GSG1L: variants seen among roughly 807,000 people sequenced by gnomAD.
GSG1L encodes the protein GSG1 like.
A neutral mutation model predicts 42.1 loss-of-function variants in GSG1L; 24 were observed. The ratio of observed to expected loss-of-function variants is 0.57; its 90% CI spans 0.41 to 0.80. The LOEUF is 0.80. GSG1L is among the 30% of genes least tolerant of loss of function. GSG1L has a pLI of 0.00. For missense variants in GSG1L, 445 were observed against 472.2 expected (o/e 0.94, Z 0.53); for synonymous variants, 215 against 203.5 (o/e 1.06, Z -0.48).
chr16:28,041,532 G>A (rs144770346), intron 1 of GSG1L, among the ~76,000 whole-genome samples: 248 of 152,250 alleles, frequency 1.6e-3, no homozygotes, highest in Non-Finnish European at 2.8e-3. Context: ...AGTAGTAGTC[G>A]TGGAATGAAT....
In GSG1L at chr16:27,905,480, G is replaced by A. The variant is rs556006024; in HGVS notation, c.398-20842C>T. 7.9e-5 allele frequency among the ~76,000 whole-genome samples: 12 copies of A among 152,012 alleles called. No homozygotes were observed. In the East Asian group the frequency reaches 2.3e-3, roughly 29 times the overall value. The stretch of plus-strand genomic sequence containing the variant: ...ACCACAGGCATGTGTCATGCTGCCT[G>A]GCTAATTTTATTTTTTTGTAGAGAC... On this transcript the variant is annotated intron_variant, in intron 2 of 6. Coordinates refer to ENST00000447459, the MANE Select transcript of GSG1L (RefSeq NM_001109763.2).
intron 5 of GSG1L, among the ~76,000 whole-genome samples, chr16:27,827,189 T>C (rs550768064): frequency 1.6e-4 from 25 of 152,206 alleles, no homozygotes; most frequent in African/African-American, 5.5e-4. Context: ...TTGTGCTCCA[T>C]AAATGGCAGT....
chr16:27,856,340 G>T (rs1004246498), intron 3 of GSG1L, among the ~76,000 whole-genome samples: 4 of 152,154 alleles, frequency 2.6e-5, no homozygotes, highest in Admixed American at 2.6e-4. Context: ...TTCAGGAAGG[G>T]TCTTGCTCTG....
chr16:27,963,605 C>G (rs2085095248), intron 1 of GSG1L, among the ~76,000 whole-genome samples: 1 of 152,178 alleles, frequency 6.6e-6, no homozygotes, highest in South Asian at 2.1e-4. Flanking sequence ...CGCACACACA[C>G]AGCTTGCTCC....
At chr16:27,799,608 A>G (rs759936637) in intron 6 of GSG1L, among the ~76,000 whole-genome samples, 1 of 152,160 alleles carries the variant, frequency 6.6e-6, no homozygotes, top group Non-Finnish European at 1.5e-5. Flanking sequence ...CTCAGAGAGG[A>G]ACAAGTGATG....
At chr16:27,843,139 G>A (rs2083405406) in intron 4 of GSG1L, among the ~76,000 whole-genome samples, 1 of 152,162 alleles carries the variant, frequency 6.6e-6, no homozygotes, top group African/African-American at 2.4e-5. Flanking sequence ...GTTAATATGT[G>A]TTAAATGACT....
chr16:27,897,968 A>G (rs1644592), intron 2 of GSG1L, among the ~76,000 whole-genome samples: 61,199 of 152,142 alleles, frequency 0.4, 13,608 homozygotes, highest in East Asian at 0.5. Context: ...TGGGCCCAGA[A>G]AAACAAGTCC....
At chr16:28,023,849 A>G (rs139333551) in intron 1 of GSG1L, among the ~76,000 whole-genome samples, 58 of 151,804 alleles carry the variant, frequency 3.8e-4, no homozygotes, top group African/African-American at 1.4e-3. Flanking sequence ...ACATGGCAAG[A>G]CCCCACCTCT....
At chr16:27,803,459 G>T (rs927438644) in intron 6 of GSG1L, among the ~76,000 whole-genome samples, 11 of 152,036 alleles carry the variant, frequency 7.2e-5, no homozygotes, top group Non-Finnish European at 1.5e-4. Context: ...GGTCGCCTTT[G>T]TCTCCCTTCT....
rs1036963848 is a variant in GSG1L at position 28,012,981 on chromosome 16, T to C, written c.350-49778A>G. The stretch of plus-strand genomic sequence containing the variant: ...GGCTCACACCTGTAATCCCATCACT[T>C]TGGGAGGCCGAGGCGGGTGGATCAC... On this transcript the variant is annotated intron_variant, in intron 1 of 6. Coordinates refer to ENST00000447459, the MANE Select transcript of GSG1L (RefSeq NM_001109763.2). Among the ~76,000 whole-genome samples the C allele has an allele frequency of 4.3e-5, 6 of 140,186 alleles. No individual in the cohort carries two copies. The South Asian group carries it at 8.3e-4, about 19-fold the overall frequency. The allele number at this position is 140,186 out of a possible 152,430, so 92.0% of individuals were successfully genotyped here.
rs552963402 is a variant in GSG1L at position 27,872,471 on chromosome 16, C to T, written c.550+12015G>A. Among the ~76,000 whole-genome samples the T allele has an allele frequency of 7.2e-4, 110 of 152,240 alleles. 1 individual carries two copies. Among genetic ancestry groups the T allele is most frequent in the Admixed American group, 3.5e-3 (53 of 15,294 alleles). ...ATAAGAGCACCTACCATTGTAGTGTCAGAGGCATTTGAACCAGAGTGACTC... is the reference window on the plus strand; with the variant it reads ...ATAAGAGCACCTACCATTGTAGTGTTAGAGGCATTTGAACCAGAGTGACTC... On this transcript the variant is annotated intron_variant, in intron 3 of 6. Coordinates refer to ENST00000447459, the MANE Select transcript of GSG1L (RefSeq NM_001109763.2).
chr16:27,932,001 C>T (rs2084661887), intron 2 of GSG1L, among the ~76,000 whole-genome samples: 2 of 152,206 alleles, frequency 1.3e-5, no homozygotes, highest in Admixed American at 1.3e-4. Flanking sequence ...TCTTGGGGAA[C>T]AGTCTTCCCC....
At chr16:27,897,446 G>C (rs1488266639) in intron 2 of GSG1L, among the ~76,000 whole-genome samples, 1 of 152,096 alleles carries the variant, frequency 6.6e-6, no homozygotes, top group East Asian at 1.9e-4. Context: ...CCACAGGCAC[G>C]TTCTATTGTG....
intron 1 of GSG1L, among the ~76,000 whole-genome samples, chr16:28,029,556 G>GATGGATGGATGC (rs2085934057): frequency 6.6e-6 from 1 of 151,778 alleles, no homozygotes; most frequent in Non-Finnish European, 1.5e-5. Context: ...TGGATGGATG[G>GATGGATGGATGC]ATGGATGCAT....
intron 2 of GSG1L, among the ~76,000 whole-genome samples, chr16:27,923,339 C>T (rs2084549056): frequency 2.0e-5 from 3 of 152,158 alleles, no homozygotes; most frequent in Admixed American, 6.5e-5. Context: ...ATCCTCACTC[C>T]CACAGCCCAA....
chr16:27,831,555 A>T (rs1288935581), intron 4 of GSG1L, among the ~76,000 whole-genome samples: 1 of 152,200 alleles, frequency 6.6e-6, no homozygotes, highest in African/African-American at 2.4e-5. Context: ...CTCAAACTAA[A>T]GGCCTGAGCA....
chr16:28,006,948 CA>C (rs935730369), intron 1 of GSG1L, among the ~76,000 whole-genome samples: 1 of 151,882 alleles, frequency 6.6e-6, no homozygotes, highest in Non-Finnish European at 1.5e-5. Context: ...TAAAAGCAGA[CA>C]AAAAAAGCCA....
chr16:27,825,963 C>T (rs138021543), intron 5 of GSG1L, among the ~76,000 whole-genome samples: 2 of 152,304 alleles, frequency 1.3e-5, no homozygotes, highest in East Asian at 3.9e-4. Flanking sequence ...TGATAAATTA[C>T]CCAGTCTCAG....
At chr16:28,009,334 C>A (rs1216431699) in intron 1 of GSG1L, among the ~76,000 whole-genome samples, 4 of 152,092 alleles carry the variant, frequency 2.6e-5, no homozygotes, top group African/African-American at 9.7e-5. Flanking sequence ...TCAAAGTGGC[C>A]TTCCTGACCC....
Sources: allele counts gnomAD v4.1 joint callset (sites outside exome capture counted in the v4.1 genomes callset), GRCh38; gene constraint gnomAD v4.1.1; transcripts MANE v1.5; gene names NCBI Gene and HGNC (gene_info 2026-07-23, HGNC 2026-07-21).